ATP9B: variants seen among roughly 807,000 people sequenced by gnomAD.
The protein encoded by ATP9B is probable phospholipid-transporting ATPase IIB.
ATP9B carries 110 observed loss-of-function variants against 146.1 expected under a neutral mutation model. The ratio of observed to expected loss-of-function variants is 0.75; its 90% CI spans 0.65 to 0.88. The LOEUF is 0.88. ATP9B is among the 40% of genes least tolerant of loss of function. The pLI is 0.00. For missense variants in ATP9B, 1,499 were observed against 1,496.4 expected (o/e 1.00, Z -0.03); for synonymous variants, 604 against 569.7 (o/e 1.06, Z -0.86).
At chr18:79,229,081 T>C (rs923663407) in intron 11 of ATP9B, among the ~76,000 whole-genome samples, 3 of 152,352 alleles carry the variant, frequency 2.0e-5, no homozygotes, top group South Asian at 2.1e-4. Context: ...TTCACACTTA[T>C]GACTTCTAAG....
At chr18:79,109,386 C>T (rs2075855482) in intron 2 of ATP9B, among the ~76,000 whole-genome samples, 1 of 151,892 alleles carries the variant, frequency 6.6e-6, no homozygotes, top group South Asian at 2.1e-4. Context: ...TTTGGATGAC[C>T]AAGAAGGGGA....
chr18:79,247,121 G>C (rs1337088641), intron 11 of ATP9B, among the ~76,000 whole-genome samples: 1 of 152,170 alleles, frequency 6.6e-6, no homozygotes, highest in Non-Finnish European at 1.5e-5. Flanking sequence ...AAAAATAAAA[G>C]TTTTAACTTA....
chr18:79,358,674 T>C (rs376223538), intron 25 of ATP9B, among the ~76,000 whole-genome samples: 7 of 20,372 alleles, frequency 3.4e-4, no homozygotes, highest in African/African-American at 5.5e-4. Context: ...TGAGGGGTGC[T>C]CTGGGTCTGG....
At chr18:79,146,372 G>C in intron 6 of ATP9B, 1 of 160,264 alleles carries the variant, frequency 6.2e-6, no homozygotes, top group Non-Finnish European at 1.2e-5. Flanking sequence ...CATGTCGGGG[G>C]AGCCGGCGGT....
chr18:79,190,585 C>G (rs2095356430), intron 8 of ATP9B, among the ~76,000 whole-genome samples: 4 of 151,134 alleles, frequency 2.6e-5, no homozygotes, highest in Admixed American at 2.6e-4. Context: ...GCTCTGTCAC[C>G]CAGGCTGGAG....
At chr18:79,174,138 CTCTA>C (rs1326074082) in intron 7 of ATP9B, 1 of 404,566 alleles carries the variant, frequency 2.5e-6, no homozygotes, top group Non-Finnish European at 4.8e-6. Flanking sequence ...AGTACATCTG[CTCTA>C]TCTTTCTGGA....
At chr18:79,074,001 T>C (rs755374025) in intron 1 of ATP9B, among the ~76,000 whole-genome samples, 2 of 152,178 alleles carry the variant, frequency 1.3e-5, no homozygotes, top group Non-Finnish European at 2.9e-5. Flanking sequence ...TTAGGAGAAT[T>C]TGGGTTCTAT....
At position 79,258,184 on chromosome 18, in the gene ATP9B, T is replaced by C. The variant is rs961956468; in HGVS notation, c.1268+4643T>C. ...TATATGTATTTATAGTAAAACAAAA[T>C]AGAAAATAGGGCAGGCTGATAGCTT... is the stretch of plus-strand genomic sequence containing the variant. On this transcript the variant is annotated intron_variant, in intron 12 of 29. Coordinates refer to ENST00000426216, the MANE Select transcript of ATP9B (RefSeq NM_198531.5). Among the ~76,000 whole-genome samples, 3 of 152,172 alleles carry C rather than the reference T, an allele frequency of 2.0e-5. No individual in the cohort carries two copies. The South Asian group carries it at 6.2e-4, about 32-fold the overall frequency.
rs1280041396 is a variant in ATP9B at position 79,096,642 on chromosome 18, T to C, written c.286T>C (p.Cys96Arg). 3 of 1,612,196 alleles carry C rather than the reference T, an allele frequency of 1.9e-6. No homozygotes were observed. Among genetic ancestry groups the C allele is most frequent in the Admixed American group, 3.3e-5 (2 of 59,780 alleles). The change falls in exon 2 of 30, where the codon TGT becomes CGT. Residue 96 changes from cysteine to arginine, a missense_variant. By Grantham distance (180) the Cys-to-Arg change is radical. Coordinates refer to ENST00000426216, the MANE Select transcript of ATP9B (RefSeq NM_198531.5). ...WFVCDGWKFL[C>R]TSCCGWLINI... ...TGTCTGTGATGGCTGGAAGTTCCTC[T>C]GTACCAGGTTTGTTATCCATTGCTA...
intron 11 of ATP9B, among the ~76,000 whole-genome samples, chr18:79,228,131 G>T (rs1409540940): frequency 1.3e-5 from 2 of 152,176 alleles, no homozygotes; most frequent in Non-Finnish European, 2.9e-5. Flanking sequence ...TAGCCTTTTA[G>T]ATGAGTATGG....
At chr18:79,355,601 G>A (rs1000667721) in intron 25 of ATP9B, among the ~76,000 whole-genome samples, 1 of 152,122 alleles carries the variant, frequency 6.6e-6, no homozygotes, top group East Asian at 1.9e-4. Flanking sequence ...AGAGCCTCAG[G>A]GACAGCAAGA....
intron 6 of ATP9B, chr18:79,144,320 T>C (rs888727932): frequency 2.0e-5 from 3 of 152,332 alleles, no homozygotes; most frequent in African/African-American, 7.2e-5. Flanking sequence ...AAATCCTCTG[T>C]ATGCTTTAAA....
At chr18:79,328,606 T>C (rs928303952) in intron 15 of ATP9B, among the ~76,000 whole-genome samples, 1 of 152,244 alleles carries the variant, frequency 6.6e-6, no homozygotes, top group Non-Finnish European at 1.5e-5. Flanking sequence ...CCAGGCCTGC[T>C]TTCTCCTTGT....
intron 3 of ATP9B, 59 bp downstream of exon 3, chr18:79,110,564 C>G: frequency 6.6e-7 from 1 of 1,520,674 alleles, no homozygotes; most frequent in Non-Finnish European, 8.9e-7. Context: ...GCTTCCTTTG[C>G]TATAGGATGG....
chr18:79,251,563 TTTAA>T (rs1170757277), intron 11 of ATP9B, among the ~76,000 whole-genome samples: 1 of 152,198 alleles, frequency 6.6e-6, no homozygotes, highest in Non-Finnish European at 1.5e-5. Flanking sequence ...AATTTATTTG[TTTAA>T]TTAGTTGACT....
chr18:79,108,440 T>C (rs1347501701), intron 2 of ATP9B, among the ~76,000 whole-genome samples: 1 of 152,220 alleles, frequency 6.6e-6, no homozygotes, highest in East Asian at 1.9e-4. Context: ...TAAATCACTT[T>C]AATACCACCC....
chr18:79,283,054 T>G (rs2096395648), intron 13 of ATP9B, among the ~76,000 whole-genome samples: 1 of 152,242 alleles, frequency 6.6e-6, no homozygotes, highest in Non-Finnish European at 1.5e-5. Flanking sequence ...AACCAGTGCA[T>G]GTATTTACTG....
chr18:79,356,099 C>T (rs1004351998), intron 25 of ATP9B, among the ~76,000 whole-genome samples: 5 of 152,316 alleles, frequency 3.3e-5, no homozygotes, highest in Non-Finnish European at 7.4e-5. Context: ...GAGACGGCCA[C>T]CCTGTGTGTG....
intron 2 of ATP9B, among the ~76,000 whole-genome samples, chr18:79,103,267 G>GTTTT (rs76907504): frequency 1.5e-5 from 2 of 133,294 alleles, no homozygotes; most frequent in African/African-American, 2.9e-5. Flanking sequence ...ACTATTTGTA[G>GTTTT]TTTTTTTTTT....
Sources: allele counts gnomAD v4.1 joint callset (sites outside exome capture counted in the v4.1 genomes callset), GRCh38; gene constraint gnomAD v4.1.1; transcripts MANE v1.5; gene names NCBI Gene and HGNC (gene_info 2026-07-23, HGNC 2026-07-21).